PLCG2: variants seen among roughly 807,000 people sequenced by gnomAD.
PLCG2 encodes phospholipase C gamma 2, also known as 1-phosphatidylinositol 4,5-bisphosphate phosphodiesterase gamma-2.
PLCG2 carries 69 observed loss-of-function variants against 175.6 expected under a neutral mutation model. The ratio of observed to expected loss-of-function variants is 0.39; its 90% CI spans 0.32 to 0.48. PLCG2 has a LOEUF of 0.48. Among genes scored for constraint, PLCG2 ranks in the 20% least tolerant of loss-of-function variants. The pLI, the probability that PLCG2 is intolerant of heterozygous loss-of-function variation, is 0.91. For synonymous variants in PLCG2, 827 were observed against 624.0 expected, an observed-to-expected ratio of 1.33 and a Z score of -4.85; for missense variants, 1,798 against 1,650.9, an observed-to-expected ratio of 1.09 and a Z score of -1.54.
At chr16:81,834,627 A>G (rs1054534549) in intron 2 of PLCG2, among the ~76,000 whole-genome samples, 1 of 106,794 alleles carries the variant, frequency 9.4e-6, no homozygotes, top group African/African-American at 3.2e-5. Context: ...GGAGTTTCAG[A>G]GCTGGGGCTC....
At chr16:81,817,455 C>T (rs555482383) in intron 2 of PLCG2, among the ~76,000 whole-genome samples, 21 of 152,276 alleles carry the variant, frequency 1.4e-4, no homozygotes, top group African/African-American at 4.3e-4. Context: ...TGGAGTGCAT[C>T]GTCTTGAGGG....
intron 24 of PLCG2, among the ~76,000 whole-genome samples, chr16:81,930,426 G>A (rs1910452060): frequency 1.3e-5 from 2 of 152,090 alleles, no homozygotes; most frequent in South Asian, 4.1e-4. Context: ...CCTGCACATG[G>A]CTTTCTCCCT....
In PLCG2 at chr16:81,799,229, C is replaced by T. The variant is rs144681025; in HGVS notation, c.193+13047C>T. ...GTGAGAAAAACAACCCCTTAGCCCC[C>T]GCCACCCCCCTACCCAGAGAGATGG... On this transcript the variant is annotated intron_variant, in intron 2 of 32. Transcript: ENST00000564138. Among the ~76,000 whole-genome samples, 697 of 152,246 alleles carry T rather than the reference C, an allele frequency of 4.6e-3. 1 individual carries two copies. Among genetic ancestry groups the T allele is most frequent in the South Asian group, 0.026 (126 of 4,828 alleles).
chr16:81,837,322 C>T (rs574059834), intron 2 of PLCG2, among the ~76,000 whole-genome samples: 1 of 152,172 alleles, frequency 6.6e-6, no homozygotes, highest in Admixed American at 6.5e-5. Flanking sequence ...AATTGTGGTC[C>T]CAGCTGGCTT....
At chr16:81,910,137 C>G (rs1909554914) in intron 17 of PLCG2, among the ~76,000 whole-genome samples, 1 of 152,144 alleles carries the variant, frequency 6.6e-6, no homozygotes. Flanking sequence ...GTCGCCCAGG[C>G]TGGAGTGCAG....
At chr16:81,874,948 G>GTTTTTTTGTTTTTTTTTTC (rs1907695346) in intron 7 of PLCG2, among the ~76,000 whole-genome samples, 1 of 40,770 alleles carries the variant, frequency 2.5e-5, no homozygotes. Flanking sequence ...TATCCTATGT[G>GTTTTTTTGTTTTTTTTTTC]TTTTTTTTTT....
At chr16:81,749,885 C>G in intron 1 of PLCG2, among the ~76,000 whole-genome samples, 1 of 152,258 alleles carries the variant, frequency 6.6e-6, no homozygotes, top group Non-Finnish European at 1.5e-5. Context: ...TGAGATGTCC[C>G]TCAATGGACA....
At chr16:81,792,031 C>T (rs1277279266) in intron 2 of PLCG2, among the ~76,000 whole-genome samples, 1 of 152,186 alleles carries the variant, frequency 6.6e-6, no homozygotes, top group African/African-American at 2.4e-5. Context: ...AAATTTCTCT[C>T]TTAGAGAAGG....
chr16:81,883,186 G>C, intron 8 of PLCG2, 83 bp from the exon 9 acceptor site: 2 of 1,207,852 alleles, frequency 1.7e-6, no homozygotes, highest in Non-Finnish European at 2.5e-6. Context: ...TGGGTGGCAG[G>C]CTGCCCCATT....
At chr16:81,909,747 C>T (rs1274750688) in intron 17 of PLCG2, among the ~76,000 whole-genome samples, 1 of 152,168 alleles carries the variant, frequency 6.6e-6, no homozygotes, top group Admixed American at 6.5e-5. Flanking sequence ...GCAAATAATC[C>T]TGGACACCTA....
intron 15 of PLCG2, among the ~76,000 whole-genome samples, chr16:81,906,679 C>T (rs552007027): frequency 7.9e-5 from 12 of 152,312 alleles, no homozygotes; most frequent in East Asian, 3.9e-4. Context: ...CCGCCTTGGC[C>T]TCCCGAAGTG....
intron 2 of PLCG2, among the ~76,000 whole-genome samples, chr16:81,787,089 C>G (rs2143179272): frequency 6.6e-6 from 1 of 152,326 alleles, no homozygotes; most frequent in Non-Finnish European, 1.5e-5. Context: ...TGATCTCATT[C>G]TTTCTTGGAC....
chr16:81,856,774 C>G (rs1906706347), intron 3 of PLCG2, among the ~76,000 whole-genome samples: 1 of 152,134 alleles, frequency 6.6e-6, no homozygotes, highest in African/African-American at 2.4e-5. Flanking sequence ...GAAAAGGAGA[C>G]TTGGCGGGTG....
At chr16:81,944,182 C>G (rs1911062286) in intron 30 of PLCG2, among the ~76,000 whole-genome samples, 1 of 152,128 alleles carries the variant, frequency 6.6e-6, no homozygotes, top group Admixed American at 6.6e-5. Flanking sequence ...ATGTCTTTGT[C>G]ATACTTTGAA....
chr16:81,928,767 G>T, intron 24 of PLCG2, 143 bp downstream of exon 24: 1 of 648,616 alleles, frequency 1.5e-6, no homozygotes, highest in Non-Finnish European at 2.9e-6. Context: ...TGAGTATTTA[G>T]GTCAGGCTGG....
At chr16:81,785,793 A>T in intron 1 of PLCG2, 150 bp from the exon 2 acceptor site, 1 of 563,624 alleles carries the variant, frequency 1.8e-6, no homozygotes, top group East Asian at 3.0e-5. Context: ...TAGCTCTCTG[A>T]GTGGCCAGCG....
chr16:81,842,447 C>T (rs1036746028), intron 2 of PLCG2, among the ~76,000 whole-genome samples: 2 of 152,188 alleles, frequency 1.3e-5, no homozygotes, highest in Non-Finnish European at 2.9e-5. Context: ...GCATCCCTAG[C>T]GCTCAGCGTG....
Position 81,895,741 on chromosome 16 carries a change from G to T in PLCG2, c.1073-66G>T, listed in dbSNP as rs527825225. 8 of 1,585,152 alleles carry T rather than the reference G, an allele frequency of 5.0e-6. No individual in the cohort carries two copies. The East Asian group carries it at 1.8e-4, about 36-fold the overall frequency. On this transcript the variant is annotated intron_variant, in intron 12 of 32. Transcript: ENST00000564138. ...TAGTAACTGAACTGGTGTGTGGGCC[G>T]GGGGCTGACCTCGGGGCTGTCAGTG...
intron 7 of PLCG2, among the ~76,000 whole-genome samples, chr16:81,871,143 G>T (rs991875558): frequency 6.6e-6 from 1 of 152,184 alleles, no homozygotes; most frequent in Non-Finnish European, 1.5e-5. Flanking sequence ...AAAATGTAGA[G>T]AAATGGTGTT....
Sources: allele counts gnomAD v4.1 joint callset (sites outside exome capture counted in the v4.1 genomes callset), GRCh38; gene constraint gnomAD v4.1.1; transcripts MANE v1.5; gene names NCBI Gene and HGNC (gene_info 2026-07-23, HGNC 2026-07-21).